ERBB4: variants seen among roughly 807,000 people sequenced by gnomAD.
ERBB4 encodes the protein erb-b2 receptor tyrosine kinase 4.
ERBB4 carries 42 observed loss-of-function variants against 158.0 expected under a neutral mutation model. The ratio of observed to expected loss-of-function variants is 0.27; its 90% CI spans 0.21 to 0.34. ERBB4 has a LOEUF of 0.34. Among genes scored for constraint, ERBB4 ranks in the 10% least tolerant of loss-of-function variants. The pLI, the probability that ERBB4 is intolerant of heterozygous loss-of-function variation, is 1.00. For synonymous variants in ERBB4, 583 were observed against 558.7 expected, an observed-to-expected ratio of 1.04 and a Z score of -0.61; for missense variants, 1,333 against 1,624.1, an observed-to-expected ratio of 0.82 and a Z score of 3.08.
chr2:211,489,819 C>T (rs1371684324), intron 20 of ERBB4, among the ~76,000 whole-genome samples: 2 of 151,784 alleles, frequency 1.3e-5, no homozygotes, highest in African/African-American at 2.4e-5. Flanking sequence ...TTTTGAGGAC[C>T]AACTCTCCAT....
Position 212,329,551 on chromosome 2 carries a change from C to G in ERBB4, c.83-204648G>C, listed in dbSNP as rs532661878. On this transcript the variant is annotated intron_variant, in intron 1 of 27. Transcript: ENST00000342788. ...TTTACTCATGTAACCCAGGAGTTCT[C>G]CACCCTGGCTATATGAGAATCAAAC... 6.7e-4 allele frequency among the ~76,000 whole-genome samples: 102 copies of G among 152,148 alleles called. 2 individuals carry two copies. In the South Asian group the frequency reaches 0.02, roughly 30 times the overall value.
chr2:211,641,584 A>C (rs2070593508), intron 16 of ERBB4, among the ~76,000 whole-genome samples: 2 of 152,152 alleles, frequency 1.3e-5, no homozygotes, highest in African/African-American at 4.8e-5. Context: ...TAAATATTAA[A>C]GCTTAAAGAA....
At chr2:212,161,575 T>C (rs2081203319) in intron 1 of ERBB4, among the ~76,000 whole-genome samples, 1 of 151,946 alleles carries the variant, frequency 6.6e-6, no homozygotes, top group Admixed American at 6.6e-5. Flanking sequence ...AGGCTTCATA[T>C]TGTTAAAAAT....
At chr2:211,476,474 G>T (rs111820088) in intron 20 of ERBB4, among the ~76,000 whole-genome samples, 31 of 151,696 alleles carry the variant, frequency 2.0e-4, no homozygotes, top group African/African-American at 7.2e-4. Context: ...AGGTAGAATT[G>T]ACAGAAAGTT....
At chr2:211,555,819 G>A (rs995638394) in intron 20 of ERBB4, among the ~76,000 whole-genome samples, 4 of 152,304 alleles carry the variant, frequency 2.6e-5, no homozygotes, top group Non-Finnish European at 5.9e-5. Context: ...AGCTCCTGAA[G>A]GAGGCACTAA....
chr2:211,430,881 A>G lies in ERBB4; in HGVS notation c.2643+64T>C, dbSNP rs1574476761. On this transcript the variant is annotated intron_variant, in intron 21 of 27. Transcript: ENST00000342788. ...GGCTTATTGGTTTCTTGTATAAAATATAAGGAGATAAAAGGATATTATACT... is the reference window on the plus strand; with the variant it reads ...GGCTTATTGGTTTCTTGTATAAAATGTAAGGAGATAAAAGGATATTATACT... The G allele has an allele frequency of 3.0e-6, 4 of 1,351,976 alleles. No individual in the cohort carries two copies. In the African/African-American group the frequency reaches 5.7e-5, roughly 19 times the overall value. 83.7% of individuals were successfully genotyped at this position (1,351,976 alleles called of 1,614,324 possible). A position where few individuals can be genotyped will look rare whatever the true frequency, so the allele number is the denominator to read the frequency against.
chr2:211,857,162 T>C (rs1200062081), intron 3 of ERBB4, among the ~76,000 whole-genome samples: 2 of 151,014 alleles, frequency 1.3e-5, no homozygotes, highest in African/African-American at 4.9e-5. Flanking sequence ...TGTGTGTTTG[T>C]GTGTGTGTGT....
chr2:211,421,270 A>G (rs1054174815), intron 24 of ERBB4, among the ~76,000 whole-genome samples: 2 of 151,336 alleles, frequency 1.3e-5, no homozygotes, highest in Admixed American at 6.6e-5. Context: ...GGAAATAAGT[A>G]TCTTCTAAAA....
intron 20 of ERBB4, among the ~76,000 whole-genome samples, chr2:211,546,751 T>G (rs2066951157): frequency 6.6e-6 from 1 of 152,122 alleles, no homozygotes; most frequent in South Asian, 2.1e-4. Context: ...TACAAATCCA[T>G]AGAGGATACC....
chr2:211,479,828 AATATGTT>A (rs1437062654), intron 20 of ERBB4, among the ~76,000 whole-genome samples: 3 of 152,200 alleles, frequency 2.0e-5, no homozygotes, highest in Non-Finnish European at 4.4e-5. Flanking sequence ...CTCAAATTAC[AATATGTT>A]ATATATGATG....
At chr2:212,056,573 G>A (rs927226267) in intron 2 of ERBB4, among the ~76,000 whole-genome samples, 2 of 152,160 alleles carry the variant, frequency 1.3e-5, no homozygotes, top group African/African-American at 4.8e-5. Flanking sequence ...GACTAACAGT[G>A]GATCTCTTGG....
intron 3 of ERBB4, among the ~76,000 whole-genome samples, chr2:211,804,287 G>C (rs2105897865): frequency 6.6e-6 from 1 of 152,310 alleles, no homozygotes; most frequent in Admixed American, 6.5e-5. Context: ...GTACAAAAAG[G>C]TTGCAGTCAG....
Position 211,892,617 on chromosome 2 carries a change from A to C in ERBB4, c.421+54813T>G, listed in dbSNP as rs2078997623. On this transcript the variant is annotated intron_variant, in intron 3 of 27. Transcript: ENST00000342788. ...CAAAATTAGGAAAAGAGGAAGTCAA[A>C]TTGTCCCTGTTTGCAGATGACGTGA... Among the ~76,000 whole-genome samples the C allele has an allele frequency of 1.4e-5, 2 of 145,572 alleles. 1 individual carries two copies. The highest frequency in any genetic ancestry group is 3.0e-5 in the Non-Finnish European group (2 of 66,614).
intron 20 of ERBB4, among the ~76,000 whole-genome samples, chr2:211,546,970 C>T (rs2066956520): frequency 6.6e-6 from 1 of 151,968 alleles, no homozygotes; most frequent in African/African-American, 2.4e-5. Flanking sequence ...TGGGATGAGG[C>T]CATGAAATAG....
chr2:212,319,889 G>T (rs1182682185), intron 1 of ERBB4, among the ~76,000 whole-genome samples: 7 of 150,178 alleles, frequency 4.7e-5, no homozygotes, highest in African/African-American at 1.7e-4. Context: ...ATAACTTCAT[G>T]TCGTTCCAAA....
At chr2:212,030,096 C>T (rs1460341739) in intron 2 of ERBB4, among the ~76,000 whole-genome samples, 1 of 152,106 alleles carries the variant, frequency 6.6e-6, no homozygotes, top group Non-Finnish European at 1.5e-5. Flanking sequence ...GTGCTATCTA[C>T]TGAGTTTGGG....
intron 2 of ERBB4, among the ~76,000 whole-genome samples, chr2:211,977,531 T>TTAAAAAA (rs1445827351): frequency 1.5e-5 from 1 of 67,592 alleles, no homozygotes; most frequent in African/African-American, 4.9e-5. Flanking sequence ...ATATTGACTT[T>TTAAAAAA]AAAAAAAAAA....
intron 1 of ERBB4, among the ~76,000 whole-genome samples, chr2:212,248,308 T>C (rs11897650): frequency 0.013 from 1,975 of 152,258 alleles, 34 homozygotes; most frequent in African/African-American, 0.045. Flanking sequence ...TGGTAGAGCT[T>C]TATATGCACC....
At chr2:212,037,867 C>T (rs1466531480) in intron 2 of ERBB4, among the ~76,000 whole-genome samples, 4 of 151,994 alleles carry the variant, frequency 2.6e-5, no homozygotes. Context: ...AGATGGACAC[C>T]GGGGAATGAG....
Sources: allele counts gnomAD v4.1 joint callset (sites outside exome capture counted in the v4.1 genomes callset), GRCh38; gene constraint gnomAD v4.1.1; transcripts MANE v1.5; gene names NCBI Gene and HGNC (gene_info 2026-07-23, HGNC 2026-07-21).